Variants in JAKMIP3 observed in about 807,000 individuals in gnomAD.
JAKMIP3 encodes the protein Janus kinase and microtubule interacting protein 3.
A neutral mutation model predicts 118.5 loss-of-function variants in JAKMIP3; 58 were observed. That is an observed-to-expected ratio of 0.49 (90% CI 0.40 to 0.61). The LOEUF (loss-of-function observed/expected upper bound fraction) is 0.61, where lower values mean the gene tolerates loss of function less well. JAKMIP3 is among the 20% of genes least tolerant of loss of function. The pLI, the probability that JAKMIP3 is intolerant of heterozygous loss-of-function variation, is 0.00. For missense variants in JAKMIP3, 950 were observed against 1,109.0 expected, an observed-to-expected ratio of 0.86 and a Z score of 2.04; for synonymous variants, 486 against 451.2, an observed-to-expected ratio of 1.08 and a Z score of -0.98.
chr10:132,099,716 A>C (rs1002173701), intron 1 of JAKMIP3, among the ~76,000 whole-genome samples: 1 of 152,216 alleles, frequency 6.6e-6, no homozygotes, highest in African/African-American at 2.4e-5. Context: ...GATTGTGTCA[A>C]TGAATCAACT....
At position 132,049,248 on chromosome 10, in the gene JAKMIP3, C is replaced by T. The variant is rs919810468; in HGVS notation, c.-138+12510C>T. ...CTGTTTCTATGTAGGGACGGTCTTC[C>T]GGGAGCACAGCTATAGCTATGAGCA... On this transcript the variant is annotated intron_variant, in intron 1 of 23. Transcript: ENST00000657785. This position sits in a 1 kb window ranked among gnomAD's most constrained non-coding sequence, Gnocchi z 4.3. Among the ~76,000 whole-genome samples the T allele has an allele frequency of 3.3e-5, 5 of 152,138 alleles. No individual in the cohort carries two copies. Among genetic ancestry groups the T allele is most frequent in the African/African-American group, 1.2e-4 (5 of 41,424 alleles).
At chr10:132,085,680 T>C (rs1417871651) in intron 1 of JAKMIP3, among the ~76,000 whole-genome samples, 2 of 152,100 alleles carry the variant, frequency 1.3e-5, no homozygotes, top group Non-Finnish European at 2.9e-5. Flanking sequence ...TTTGTATTTT[T>C]AGTAGAGATG....
At chr10:132,142,942 A>AGTCTCCCTCTT (rs1328978567) in intron 11 of JAKMIP3, among the ~76,000 whole-genome samples, 6 of 152,044 alleles carry the variant, frequency 3.9e-5, no homozygotes, top group South Asian at 4.2e-4. Flanking sequence ...TCTTGGGGCG[A>AGTCTCCCTCTT]GGGGAGAGTG....
chr10:132,125,314 G>C (rs1020986235), intron 3 of JAKMIP3, among the ~76,000 whole-genome samples: 3 of 152,232 alleles, frequency 2.0e-5, no homozygotes, highest in African/African-American at 7.2e-5. Context: ...TTTCAGGACT[G>C]TTTTTTGAAA....
Position 132,141,932 on chromosome 10 carries a change from G to T in JAKMIP3, c.1486G>T (p.Glu496Ter). Residue 496 changes from glutamate (E) to a stop codon, truncating the protein, a stop_gained, in exon 11 of 24, where the codon GAG becomes TAG. Coordinates refer to ENST00000684848, the MANE Select transcript of JAKMIP3 (RefSeq NM_001323087.2). LOFTEE classifies it high-confidence loss of function. ...DDDLEEGMAK[E>*]ETELRFRQLT... ...CGTGTCTCTCCAGGGCATGGCCAAG[G>T]AGGAGACGGAGCTGAGGTTCCGGCA... The T allele has an allele frequency of 6.3e-7, 1 of 1,593,708 alleles. No homozygotes were observed. The highest frequency in any genetic ancestry group is 8.5e-7 in the Non-Finnish European group (1 of 1,170,776).
intron 1 of JAKMIP3, among the ~76,000 whole-genome samples, chr10:132,071,436 G>A (rs1267863700): frequency 1.3e-5 from 2 of 152,174 alleles, no homozygotes; most frequent in Non-Finnish European, 1.5e-5. Flanking sequence ...TTGGTTAATG[G>A]TGGTGTTGAA....
At chr10:132,072,272 C>T (rs1034973385) in intron 1 of JAKMIP3, among the ~76,000 whole-genome samples, 4 of 152,098 alleles carry the variant, frequency 2.6e-5, no homozygotes. Context: ...AGGCTGGGTG[C>T]TGTGGCTCAT....
At chr10:132,058,915 C>G (rs952156873) in intron 1 of JAKMIP3, among the ~76,000 whole-genome samples, 2 of 152,238 alleles carry the variant, frequency 1.3e-5, no homozygotes, top group African/African-American at 2.4e-5. Flanking sequence ...GCTTCTTGTG[C>G]GGCTCCTTGG....
chr10:132,053,528 T>C (rs1252877070), intron 1 of JAKMIP3, among the ~76,000 whole-genome samples: 1 of 152,240 alleles, frequency 6.6e-6, no homozygotes, highest in African/African-American at 2.4e-5. Flanking sequence ...AACCTGCTCA[T>C]GTCTCTCAGT....
chr10:132,180,774 T>TGTGC lies in JAKMIP3; in HGVS notation c.*1104-1580_*1104-1579insCGTG, dbSNP rs2061287449. Among the ~76,000 whole-genome samples, 15 of 65,884 alleles carry TGTGC rather than the reference T, an allele frequency of 2.3e-4. 5 individuals are homozygous for TGTGC. The highest frequency in any genetic ancestry group is 7.1e-4 in the Admixed American group (5 of 7,070). 43.2% of individuals were successfully genotyped at this position (65,884 alleles called of 152,430 possible). ...GCGCGTGTGTGCGTGTGTGTGCGTG[T>TGTGC]GTGTGTGTGCGCGTATGCATGTGCT... On this transcript the variant is annotated intron_variant, in intron 23 of 23. Transcript: ENST00000684848.
At chr10:132,095,188 C>G (rs1050270118) in intron 1 of JAKMIP3, among the ~76,000 whole-genome samples, 4 of 152,218 alleles carry the variant, frequency 2.6e-5, no homozygotes, top group African/African-American at 7.2e-5. Flanking sequence ...CATTCTTCCT[C>G]TACCTGTGGA....
At chr10:132,139,212 A>T (rs61864418) in intron 9 of JAKMIP3, among the ~76,000 whole-genome samples, 6 of 78,894 alleles carry the variant, frequency 7.6e-5, no homozygotes, top group Non-Finnish European at 2.6e-5. Flanking sequence ...GTGTGTGTGT[A>T]TGTGTGTACA....
At chr10:132,055,587 G>A (rs117702242) in intron 1 of JAKMIP3, among the ~76,000 whole-genome samples, 2,559 of 152,344 alleles carry the variant, frequency 0.017, 98 homozygotes, top group Admixed American at 0.084. Context: ...ATGTGTGTGC[G>A]CAGTTTGCCC....
At chr10:132,142,466 C>T (rs2053709960) in intron 11 of JAKMIP3, among the ~76,000 whole-genome samples, 1 of 150,120 alleles carries the variant, frequency 6.7e-6, no homozygotes, top group Non-Finnish European at 1.5e-5. Flanking sequence ...TGAGCTCACA[C>T]AGGCTGTGCC....
chr10:132,171,103 G>A (rs187791555), intron 23 of JAKMIP3, among the ~76,000 whole-genome samples: 3 of 152,376 alleles, frequency 2.0e-5, no homozygotes, highest in Non-Finnish European at 2.9e-5. Context: ...GAGGAGAGGA[G>A]AGCGATGCCT....
Position 132,149,410 on chromosome 10 carries a change from A to AGGAGAG in JAKMIP3, c.1855_1860dup. ...GCTCACCCTTCTGTCCCTCTGTCCT[A>AGGAGAG]GGAGAGGGAGAGGAAGTCACCCGCC... is the stretch of plus-strand genomic sequence containing the variant. On this transcript the variant is annotated splice_acceptor_variant, in intron 14 of 23. Coordinates refer to ENST00000684848, the MANE Select transcript of JAKMIP3 (RefSeq NM_001323087.2). LOFTEE classifies it high-confidence loss of function. The AGGAGAG allele has an allele frequency of 1.3e-6, 2 of 1,586,642 alleles. No individual in the cohort carries two copies. Among genetic ancestry groups the AGGAGAG allele is most frequent in the Non-Finnish European group, 8.6e-7 (1 of 1,163,308 alleles).
chr10:132,074,206 C>T (rs901615701), intron 1 of JAKMIP3, among the ~76,000 whole-genome samples: 1 of 152,182 alleles, frequency 6.6e-6, no homozygotes, highest in African/African-American at 2.4e-5. Flanking sequence ...CATGTGCCAC[C>T]ATGCCCAGCT....
chr10:132,104,823 C>T lies in JAKMIP3; in HGVS notation c.15C>T (p.Gly5=), dbSNP rs779707293. 5.8e-6 allele frequency: 9 copies of T among 1,552,166 alleles called. No individual in the cohort carries two copies. The highest frequency in any genetic ancestry group is 1.7e-4 in the Middle Eastern group (1 of 5,946). MSKR[G]MSSRAKGDKA... ...CCAGCCTCACCATGTCCAAGAGGGGCATGAGCAGCCGGGCCAAGGGGGACA... is the reference window on the plus strand; with the variant it reads ...CCAGCCTCACCATGTCCAAGAGGGGTATGAGCAGCCGGGCCAAGGGGGACA... The change falls in exon 2 of 24, where the codon GGC becomes GGT. Residue 5 remains glycine, a synonymous_variant. Transcript: ENST00000684848.
chr10:132,142,629 G>A (rs1180062143), intron 11 of JAKMIP3, among the ~76,000 whole-genome samples: 1 of 152,208 alleles, frequency 6.6e-6, no homozygotes, highest in East Asian at 1.9e-4. Context: ...TGCGGGCCGT[G>A]GAGGGCAGTG....
Sources: gnomAD v4.1 joint callset for allele counts (sites outside exome capture counted in the v4.1 genomes callset) on GRCh38, gnomAD v4.1.1 for gene constraint, Gnocchi (gnomAD v3.1) non-coding constraint, MANE v1.5 for transcripts, NCBI Gene and HGNC (gene_info 2026-07-23, HGNC 2026-07-21) for gene names.